Variants in EIF3B observed in about 807,000 individuals in gnomAD.
EIF3B encodes the protein eukaryotic translation initiation factor 3 subunit B.
A neutral mutation model predicts 104.6 loss-of-function variants in EIF3B; 10 were observed. The ratio of observed to expected loss-of-function variants is 0.10; its 90% CI spans 0.06 to 0.16. The LOEUF (loss-of-function observed/expected upper bound fraction) is 0.16. Ranked by LOEUF, EIF3B falls within the 10% of genes least tolerant of loss-of-function variation. The pLI is 1.00. For synonymous variants in EIF3B, 542 were observed against 417.2 expected (o/e 1.30, Z -3.65); for missense variants, 1,014 against 1,087.9 (o/e 0.93, Z 0.96).
intron 9 of EIF3B, 112 bp from the exon 10 acceptor site, chr7:2,369,360 C>T (rs1197019879): frequency 5.2e-6 from 6 of 1,158,700 alleles, no homozygotes; most frequent in Non-Finnish European, 7.6e-6. Context: ...TCAGCGTCAG[C>T]TGTGACAGCA....
chr7:2,361,825 G>A (rs1190648646), intron 2 of EIF3B, among the ~76,000 whole-genome samples: 1 of 152,040 alleles, frequency 6.6e-6, no homozygotes, highest in Admixed American at 6.6e-5. Flanking sequence ...TGCCCAGGCT[G>A]GAGTGCAGTG....
At chr7:2,372,537 G>A (rs1780409823) in intron 11 of EIF3B, 136 bp from the exon 12 acceptor site, 10 of 1,083,536 alleles carry the variant, frequency 9.2e-6, no homozygotes, top group Middle Eastern at 2.1e-4. Flanking sequence ...GCTGTTGCTT[G>A]CTCTCCCGTC....
chr7:2,356,064 G>A (rs929761081), intron 1 of EIF3B, among the ~76,000 whole-genome samples: 1 of 152,136 alleles, frequency 6.6e-6, no homozygotes, highest in African/African-American at 2.4e-5. Context: ...GGATTTACAG[G>A]CATATTTTTG....
At chr7:2,358,270 G>T (rs1779557962) in intron 1 of EIF3B, among the ~76,000 whole-genome samples, 1 of 152,088 alleles carries the variant, frequency 6.6e-6, no homozygotes, top group Admixed American at 6.6e-5. Context: ...TTTTAATACA[G>T]ATGGGGTTTT....
At chr7:2,379,750 A>G (rs1019672362) in intron 18 of EIF3B, 6 of 501,738 alleles carry the variant, frequency 1.2e-5, no homozygotes, top group African/African-American at 1.2e-4. Flanking sequence ...GTGAGGGAGG[A>G]GCTGTGGCCA....
chr7:2,380,123 G>C, intron 18 of EIF3B, 81 bp from the exon 19 acceptor site: 1 of 318,216 alleles, frequency 3.1e-6, no homozygotes, highest in South Asian at 2.4e-5. Context: ...GGGACTCAAC[G>C]TCAGCCCCAA....
intron 6 of EIF3B, among the ~76,000 whole-genome samples, chr7:2,364,812 A>G (rs934010401): frequency 2.0e-5 from 3 of 152,236 alleles, no homozygotes; most frequent in African/African-American, 4.8e-5. Context: ...TAGTGTGACC[A>G]TAGTGTGGGT....
chr7:2,368,260 A>T (rs1780141430), intron 9 of EIF3B, among the ~76,000 whole-genome samples: 2 of 152,082 alleles, frequency 1.3e-5, no homozygotes, highest in South Asian at 4.2e-4. Flanking sequence ...CTGGTGCTTC[A>T]GTCTCCTGAG....
rs143384377 is a variant in EIF3B at position 2,379,307 on chromosome 7, G to A, written c.2341+65G>A. The A allele has an allele frequency of 2.6e-4, 399 of 1,549,974 alleles. No individual in the cohort carries two copies. The East Asian group carries it at 3.1e-3, about 12-fold the overall frequency. ...ACGCTGCCCCTGGGCCCTGGTGCCC[G>A]CGGACTCCTGCGTTCCTTCCCACTG... On this transcript the variant is annotated intron_variant, in intron 17 of 18. Coordinates refer to ENST00000360876, the MANE Select transcript of EIF3B (RefSeq NM_001037283.2).
chr7:2,373,032 G>A, intron 12 of EIF3B: 2 of 353,580 alleles, frequency 5.7e-6, no homozygotes, highest in South Asian at 2.3e-4. Context: ...GTATTTCCAA[G>A]GCTTCCATTC....
intron 4 of EIF3B, 147 bp from the exon 5 acceptor site, chr7:2,363,485 T>C (rs1779850749): frequency 1.4e-6 from 1 of 732,666 alleles, no homozygotes; most frequent in Non-Finnish European, 2.2e-6. Context: ...AAAAAAGAAA[T>C]GCTAGACGGT....
chr7:2,360,701 CTTG>C lies in EIF3B; in HGVS notation c.500-6_500-4del, dbSNP rs769067771. The C allele has an allele frequency of 1.3e-6, 2 of 1,570,032 alleles. No individual in the cohort carries two copies. The highest frequency in any genetic ancestry group is 1.8e-5 in the Admixed American group (1 of 55,450). ...AAAAATGATCATTTGAAAAATCTCT[CTTG>C]TTCAGAATTACTGGGAGATGTACTC... is the stretch of plus-strand genomic sequence containing the variant. On this transcript the variant is annotated splice_polypyrimidine_tract_variant and splice_region_variant and intron_variant, in intron 1 of 18. Coordinates refer to ENST00000360876, the MANE Select transcript of EIF3B (RefSeq NM_001037283.2).
rs776784371 is a variant in EIF3B, at chr7:2,372,735, G to C, written c.1750G>C (p.Ala584Pro). The C allele has an allele frequency of 6.2e-7, 1 of 1,613,998 alleles. No homozygotes were observed. Among genetic ancestry groups the C allele is most frequent in the African/African-American group, 1.3e-5 (1 of 74,914 alleles). ...TAAGTTTGCTGTGCTGCACGGAGAG[G>C]CTCCGCGGATATCTGTGTCTTTCTA... ...GSKFAVLHGE[A>P]PRISVSFYHV... is the part of the protein sequence containing the mutation. Residue 584 changes from alanine to proline, a missense_variant, in exon 12 of 19, where the codon GCT becomes CCT. Ala to Pro is a conservative substitution (Grantham distance 27). Transcript: ENST00000360876.
At chr7:2,375,364 C>T (rs769545549) in intron 13 of EIF3B, 25 bp from the exon 14 acceptor site, 4 of 1,613,250 alleles carry the variant, frequency 2.5e-6, no homozygotes, top group African/African-American at 1.3e-5. Context: ...TCCATGAAGC[C>T]TGACGGTCCT....
chr7:2,363,232 C>G (rs112962518), intron 4 of EIF3B, 105 bp downstream of exon 4: 3 of 1,177,662 alleles, frequency 2.5e-6, no homozygotes, highest in African/African-American at 3.0e-5. Context: ...GTGGGAGGAT[C>G]GCTTAAGCCC....
At chr7:2,378,844 G>T in intron 16 of EIF3B, 78 bp downstream of exon 16, 1 of 1,290,486 alleles carries the variant, frequency 7.7e-7, no homozygotes, top group East Asian at 2.4e-5. Flanking sequence ...GGGAGCTGCT[G>T]TGTATGTGCT....
intron 13 of EIF3B, 170 bp from the exon 14 acceptor site, chr7:2,375,219 C>G: frequency 1.4e-6 from 1 of 702,634 alleles, no homozygotes; most frequent in East Asian, 2.6e-5. Flanking sequence ...CACTCTGCAT[C>G]TGTGATTTGG....
At position 2,364,497 on chromosome 7, in the gene EIF3B, G is replaced by T. The variant is rs745487198; in HGVS notation, c.1125G>T (p.Gly375=). The change falls in exon 6 of 19, where the codon GGG becomes GGT. Residue 375 remains glycine (G), a synonymous_variant. Transcript: ENST00000360876. ...AAATTCAGAGATTCAGCCACCAAGGGGTTCAGCTTATTGACTTCTCACCTT... is the reference window on the plus strand; with the variant it reads ...AAATTCAGAGATTCAGCCACCAAGGTGTTCAGCTTATTGACTTCTCACCTT... The part of the protein sequence containing the change: ...FKQIQRFSHQ[G]VQLIDFSPCE... The T allele has an allele frequency of 1.2e-6, 2 of 1,612,946 alleles. No individual in the cohort carries two copies. The highest frequency in any genetic ancestry group is 1.7e-6 in the Non-Finnish European group (2 of 1,179,660).
chr7:2,357,136 T>A (rs530267577), intron 1 of EIF3B, among the ~76,000 whole-genome samples: 45 of 152,378 alleles, frequency 3.0e-4, no homozygotes, highest in African/African-American at 8.9e-4. Context: ...GCTACTTTTT[T>A]AAAAAGCATT....
Sources: allele counts gnomAD v4.1 joint callset (sites outside exome capture counted in the v4.1 genomes callset), GRCh38; gene constraint gnomAD v4.1.1; transcripts MANE v1.5; gene names NCBI Gene and HGNC (gene_info 2026-07-23, HGNC 2026-07-21).